Variants in PTPRD observed in about 807,000 individuals in gnomAD.
PTPRD encodes the protein protein tyrosine phosphatase receptor type D.
PTPRD carries 34 observed loss-of-function variants against 214.5 expected under a neutral mutation model. That is an observed-to-expected ratio of 0.16 (90% CI 0.12 to 0.21). PTPRD has a LOEUF of 0.21. Among genes scored for constraint, PTPRD ranks in the 10% least tolerant of loss-of-function variants. The probability of loss-of-function intolerance (pLI) is 1.00; values close to 1 mark genes in which losing one functional copy is unlikely to be tolerated. For missense variants in PTPRD, 2,545 were observed against 2,398.7 expected (o/e 1.06, Z -1.27); for synonymous variants, 1,128 against 845.7 (o/e 1.33, Z -5.79).
At chr9:10,232,376 G>A (rs1473568435) in intron 3 of PTPRD, among the ~76,000 whole-genome samples, 1 of 151,958 alleles carries the variant, frequency 6.6e-6, no homozygotes. Context: ...AGTAGGGTTT[G>A]GATGAAGTCA....
chr9:10,126,863 G>A (rs942387294), intron 3 of PTPRD, among the ~76,000 whole-genome samples: 1 of 151,228 alleles, frequency 6.6e-6, no homozygotes, highest in South Asian at 2.1e-4. Flanking sequence ...TTTTCTCCTG[G>A]CAGTCTAGAA....
At chr9:9,852,512 G>A (rs12347862) in intron 5 of PTPRD, among the ~76,000 whole-genome samples, 9 of 151,918 alleles carry the variant, frequency 5.9e-5, no homozygotes, top group African/African-American at 2.2e-4. Context: ...AAAAGGTAAA[G>A]TGAGAAACCT....
chr9:10,547,315 T>C lies in PTPRD; in HGVS notation c.-600+65083A>G, dbSNP rs865894235. Among the ~76,000 whole-genome samples, 4 of 152,216 alleles carry C rather than the reference T, an allele frequency of 2.6e-5. No homozygotes were observed. The South Asian group carries it at 8.3e-4, about 32-fold the overall frequency. On this transcript the variant is annotated intron_variant, in intron 2 of 45. Transcript: ENST00000381196. ...ATTAATGGTTCTTACCAAGGGTTTT[T>C]TTTTTCTTTTAAGTCACTGCCAGAT...
chr9:10,256,010 G>A (rs1367598748), intron 3 of PTPRD, among the ~76,000 whole-genome samples: 1 of 152,170 alleles, frequency 6.6e-6, no homozygotes, highest in Admixed American at 6.5e-5. Context: ...CCTCCTGTCA[G>A]TTCAGCAGCA....
At chr9:8,383,555 C>A (rs574663795) in intron 37 of PTPRD, among the ~76,000 whole-genome samples, 1 of 152,148 alleles carries the variant, frequency 6.6e-6, no homozygotes, top group Non-Finnish European at 1.5e-5. Context: ...ATGGCATCAT[C>A]TGGTTTGTAT....
At chr9:9,941,370 T>A (rs537016916) in intron 4 of PTPRD, among the ~76,000 whole-genome samples, 2 of 152,348 alleles carry the variant, frequency 1.3e-5, no homozygotes, top group Non-Finnish European at 2.9e-5. Flanking sequence ...ATGCCCAGGC[T>A]GAAGGGCAGT....
intron 9 of PTPRD, among the ~76,000 whole-genome samples, chr9:9,200,457 T>G (rs1366313100): frequency 6.6e-6 from 1 of 152,244 alleles, no homozygotes; most frequent in Non-Finnish European, 1.5e-5. Context: ...TTACACTTGT[T>G]GGCTTCACCT....
intron 14 of PTPRD, among the ~76,000 whole-genome samples, chr9:8,590,230 A>G (rs1394187996): frequency 6.6e-6 from 1 of 152,192 alleles, no homozygotes; most frequent in Non-Finnish European, 1.5e-5. Context: ...GGTTGAAAAT[A>G]GCTCAAGAAA....
intron 9 of PTPRD, among the ~76,000 whole-genome samples, chr9:9,194,385 A>G (rs1230158983): frequency 6.6e-6 from 1 of 152,204 alleles, no homozygotes; most frequent in South Asian, 2.1e-4. Flanking sequence ...ATCACTATCA[A>G]TTATGTACTG....
At chr9:8,891,612 G>C (rs939679466) in intron 11 of PTPRD, among the ~76,000 whole-genome samples, 4 of 152,068 alleles carry the variant, frequency 2.6e-5, no homozygotes, top group Admixed American at 6.6e-5. Context: ...CTTCTTACTA[G>C]GAAAGCCACA....
chr9:9,458,350 AT>A (rs1000495221), intron 8 of PTPRD, among the ~76,000 whole-genome samples: 1 of 151,988 alleles, frequency 6.6e-6, no homozygotes. Flanking sequence ...TTGTACCACT[AT>A]TTTTTTAGTA....
intron 8 of PTPRD, among the ~76,000 whole-genome samples, chr9:9,544,987 T>C (rs1409619): frequency 0.019 from 2,892 of 151,758 alleles, 86 homozygotes; most frequent in African/African-American, 0.067. Context: ...TTATTTTTAT[T>C]TTTTAGAGGA....
At chr9:10,237,538 C>G (rs1345233618) in intron 3 of PTPRD, among the ~76,000 whole-genome samples, 4 of 151,824 alleles carry the variant, frequency 2.6e-5, no homozygotes, top group Admixed American at 6.6e-5. Context: ...TTTAAGCAAG[C>G]CTTCTAATTA....
At chr9:9,251,146 G>C (rs1030911036) in intron 9 of PTPRD, among the ~76,000 whole-genome samples, 2 of 151,978 alleles carry the variant, frequency 1.3e-5, no homozygotes, top group Admixed American at 6.6e-5. Flanking sequence ...GGCTATCAGA[G>C]ATACATAAAA....
intron 5 of PTPRD, among the ~76,000 whole-genome samples, chr9:9,903,132 C>T (rs1004920805): frequency 6.6e-6 from 1 of 152,064 alleles, no homozygotes; most frequent in Non-Finnish European, 1.5e-5. Flanking sequence ...GTGAAAGAAA[C>T]AGCTAATTTG....
chr9:8,763,852 C>G (rs189589936), intron 11 of PTPRD, among the ~76,000 whole-genome samples: 1 of 152,072 alleles, frequency 6.6e-6, no homozygotes, highest in East Asian at 1.9e-4. Context: ...TCATAAAAAG[C>G]CACAAAATGT....
Position 9,491,801 on chromosome 9 carries a change from G to GA in PTPRD, c.-237+82930dup, listed in dbSNP as rs1164614026. On this transcript the variant is annotated intron_variant, in intron 8 of 45. Transcript: ENST00000381196. ...AAATTTATGAACACCTTAAAAATGA[G>GA]AAAAAAATCAACTCAACAATCTATC... is the stretch of plus-strand genomic sequence containing the variant. Among the ~76,000 whole-genome samples, 10 of 151,458 alleles carry GA rather than the reference G, an allele frequency of 6.6e-5. No individual in the cohort carries two copies. The East Asian group carries it at 1.2e-3, about 18-fold the overall frequency.
At chr9:8,361,920 T>C (rs551669594) in intron 39 of PTPRD, among the ~76,000 whole-genome samples, 1 of 152,318 alleles carries the variant, frequency 6.6e-6, no homozygotes, top group African/African-American at 2.4e-5. Flanking sequence ...CTCACCTTCT[T>C]CCAATAGCTA....
At chr9:10,428,735 G>T (rs2098648824) in intron 2 of PTPRD, among the ~76,000 whole-genome samples, 1 of 152,132 alleles carries the variant, frequency 6.6e-6, no homozygotes, top group Admixed American at 6.6e-5. Context: ...TATTCTATTT[G>T]GTCCATGGTC....
Sources: allele counts gnomAD v4.1 joint callset (sites outside exome capture counted in the v4.1 genomes callset), GRCh38; gene constraint gnomAD v4.1.1; transcripts MANE v1.5; gene names NCBI Gene and HGNC (gene_info 2026-07-23, HGNC 2026-07-21).